SNX31: variants seen among roughly 807,000 people sequenced by gnomAD.
SNX31 encodes sorting nexin 31.
A neutral mutation model predicts 65.4 loss-of-function variants in SNX31; 58 were observed. The ratio of observed to expected loss-of-function variants is 0.89; its 90% CI spans 0.72 to 1.10. The LOEUF is 1.10. SNX31 is among the 50% of genes least tolerant of loss of function. The pLI is 0.00. For missense variants in SNX31, 523 were observed against 529.7 expected (o/e 0.99, Z 0.12); for synonymous variants, 181 against 190.1 (o/e 0.95, Z 0.39).
At chr8:100,642,290 C>A (rs1303548802) in intron 2 of SNX31, among the ~76,000 whole-genome samples, 2 of 152,170 alleles carry the variant, frequency 1.3e-5, no homozygotes, top group Admixed American at 1.3e-4. Flanking sequence ...GCAATTATTT[C>A]TTGGCTAACT....
At position 100,575,590 on chromosome 8, in the gene SNX31, A is replaced by G. The variant is rs1227141758; in HGVS notation, c.1227+1429T>C. Among the ~76,000 whole-genome samples the G allele has an allele frequency of 6.6e-6, 1 of 152,092 alleles. No individual in the cohort carries two copies. Among genetic ancestry groups the G allele is most frequent in the Non-Finnish European group, 1.5e-5 (1 of 67,994 alleles). ...AGGACAGTGGCTCTCAAACTTGAAC[A>G]TGCATCAGATTTGTCTGGTGGGCGT... On this transcript the variant is annotated intron_variant, in intron 13 of 13. Transcript: ENST00000311812. The surrounding 1 kb of genome is among the most constrained non-coding windows in gnomAD (Gnocchi z 5.1).
In SNX31 at chr8:100,584,093, A is replaced by C. The variant is rs374416008; in HGVS notation, c.1170+18T>G. 1.2e-5 allele frequency: 19 copies of C among 1,596,092 alleles called. No individual in the cohort carries two copies. In the African/African-American group the frequency reaches 1.5e-4, roughly 13 times the overall value. On this transcript the variant is annotated intron_variant, in intron 12 of 13. Transcript: ENST00000311812. ...TGGGAACGTAAAGTGAAAAATAGAC[A>C]CAGATAAGAGCACTCACCATTTCTG...
rs1433631703 is a variant in SNX31, at chr8:100,581,346, T to G, written c.1170+2765A>C. Among the ~76,000 whole-genome samples, 2 of 147,086 alleles carry G rather than the reference T, an allele frequency of 1.4e-5. 1 individual carries two copies. The highest frequency in any genetic ancestry group is 1.4e-4 in the Admixed American group (2 of 14,668). On this transcript the variant is annotated intron_variant, in intron 12 of 13. Transcript: ENST00000311812. ...ATATCTATCTATCTATCTATATATA[T>G]ATATATATATAATTTAAGAACTTAA...
At chr8:100,652,455 T>A (rs571622265), upstream of SNX31, among the ~76,000 whole-genome samples, 1 of 152,330 alleles carries the variant, frequency 6.6e-6, no homozygotes, top group South Asian at 2.1e-4. Context: ...GTGCTTCTTA[T>A]GAGCCAGGCG....
chr8:100,590,868 T>A (rs546498540), intron 10 of SNX31, among the ~76,000 whole-genome samples: 1 of 152,206 alleles, frequency 6.6e-6, no homozygotes, highest in East Asian at 1.9e-4. Context: ...CGCAGTACTG[T>A]TAACCCAGAG....
rs1356484021 is a variant in SNX31, at chr8:100,573,840, A to T, written c.*25T>A. 2.0e-6 allele frequency: 3 copies of T among 1,490,350 alleles called. No individual in the cohort carries two copies. Among genetic ancestry groups the T allele is most frequent in the South Asian group, 2.4e-5 (2 of 82,672 alleles). The allele number at this position is 1,490,350 out of a possible 1,614,324, so 92.3% of individuals were successfully genotyped here. ...CACTGTCTTGAGATAGCCTCCAAGG[A>T]TATTTTAAAATATGAGAGCTTTCTT... On this transcript the variant is annotated 3_prime_UTR_variant, in exon 14 of 14. Transcript: ENST00000311812.
intron 12 of SNX31, 107 bp from the exon 13 acceptor site, chr8:100,577,182 C>T: frequency 1.1e-6 from 1 of 951,290 alleles, no homozygotes; most frequent in East Asian, 2.5e-5. Flanking sequence ...TCTTAATCGT[C>T]CCAAAGGCTG....
At chr8:100,600,571 A>G (rs1220311954) in intron 8 of SNX31, 130 bp from the exon 9 acceptor site, 2 of 635,828 alleles carry the variant, frequency 3.1e-6, no homozygotes, top group Non-Finnish European at 5.2e-6. Context: ...TTAGCATATT[A>G]TAAGTCTTAT....
chr8:100,588,989 A>C lies in SNX31; in HGVS notation c.979-10T>G, dbSNP rs760919297. ...TATCCAGCAGAGTTCCCTACAAAGG[A>C]AAATATTTTATATTCAATGTAAATT... On this transcript the variant is annotated splice_polypyrimidine_tract_variant and intron_variant, in intron 10 of 13. Coordinates refer to ENST00000311812, the MANE Select transcript of SNX31 (RefSeq NM_152628.4). This position sits in a 1 kb window ranked among gnomAD's most constrained non-coding sequence, Gnocchi z 4.8. The C allele has an allele frequency of 5.6e-6, 9 of 1,596,656 alleles. No individual in the cohort carries two copies. Among genetic ancestry groups the C allele is most frequent in the Non-Finnish European group, 7.7e-6 (9 of 1,165,608 alleles).
intron 5 of SNX31, 105 bp downstream of exon 5, chr8:100,617,515 C>A: frequency 1.3e-6 from 1 of 758,354 alleles, no homozygotes; most frequent in Non-Finnish European, 2.2e-6. Flanking sequence ...CAGAGTAAAA[C>A]AACAGGCCAG....
rs74340703 is a variant in SNX31, at chr8:100,648,113, G to A, written c.141+1161C>T. 0.083 allele frequency among the ~76,000 whole-genome samples: 12,642 copies of A among 152,206 alleles called. 585 individuals are homozygous for A. The highest frequency in any genetic ancestry group is 0.095 in the Non-Finnish European group (6,492 of 68,022). On this transcript the variant is annotated intron_variant, in intron 2 of 13. Coordinates refer to ENST00000311812, the MANE Select transcript of SNX31 (RefSeq NM_152628.4). This position sits in a 1 kb window ranked among gnomAD's most constrained non-coding sequence, Gnocchi z 4.3. ...TGAAAATGGACTTTTCCAATGCACTGTGATGTATGAGCAAGAAGGCTTGCT... is the reference window on the plus strand; with the variant it reads ...TGAAAATGGACTTTTCCAATGCACTATGATGTATGAGCAAGAAGGCTTGCT...
intron 3 of SNX31, among the ~76,000 whole-genome samples, chr8:100,634,957 G>A (rs1818654738): frequency 7.0e-6 from 1 of 142,230 alleles, no homozygotes; most frequent in South Asian, 2.3e-4. Flanking sequence ...CAGCTTCTCA[G>A]GAAGCTGTGG....
chr8:100,592,529 T>TA (rs1412151120), intron 10 of SNX31, among the ~76,000 whole-genome samples: 1 of 152,122 alleles, frequency 6.6e-6, no homozygotes, highest in Non-Finnish European at 1.5e-5. Context: ...GCTGGGGATA[T>TA]AAAATGGTGC....
At chr8:100,649,229 A>G in intron 2 of SNX31, 45 bp downstream of exon 2, 1 of 1,594,198 alleles carries the variant, frequency 6.3e-7, no homozygotes, top group Non-Finnish European at 8.6e-7. Flanking sequence ...AGCTTTCTCC[A>G]CCTGTCTCAG....
intron 5 of SNX31, among the ~76,000 whole-genome samples, chr8:100,617,208 C>T (rs1298573914): frequency 6.6e-6 from 1 of 152,166 alleles, no homozygotes; most frequent in African/African-American, 2.4e-5. Context: ...GAATAGGAAC[C>T]TTCAAGAACT....
chr8:100,581,329 C>CTATATATATATATATATA (rs1491502174), intron 12 of SNX31, among the ~76,000 whole-genome samples: 2 of 80,166 alleles, frequency 2.5e-5, no homozygotes, highest in Admixed American at 1.1e-4. Context: ...CTATATCTAT[C>CTATATATATATATATATA]TATCTATCTA....
In SNX31 at chr8:100,578,434, A is replaced by G. The variant is rs1196215275; in HGVS notation, c.1171-1359T>C. Among the ~76,000 whole-genome samples the G allele has an allele frequency of 6.6e-6, 1 of 152,196 alleles. No homozygotes were observed. The highest frequency in any genetic ancestry group is 1.9e-4 in the East Asian group (1 of 5,202). On this transcript the variant is annotated intron_variant, in intron 12 of 13. Transcript: ENST00000311812. This position sits in a 1 kb window ranked among gnomAD's most constrained non-coding sequence, Gnocchi z 4.7. ...CAGGTTTAGCCATCACATGGTACAC[A>G]CAGGCATTCATAAATGACAGAATAA...
At chr8:100,586,076 A>G (rs1263674477) in intron 11 of SNX31, among the ~76,000 whole-genome samples, 1 of 152,130 alleles carries the variant, frequency 6.6e-6, no homozygotes, top group Non-Finnish European at 1.5e-5. Context: ...GCCTGCCACC[A>G]TGCCCAGATG....
rs1232371170 is a variant in SNX31, at chr8:100,649,639, G to T, written c.-125C>A. ...CACGCGACTCAGAGCGAACCCCGGC[G>T]CCCGCTCTCGCCGGCCGGGGACATC... On this transcript the variant is annotated 5_prime_UTR_variant, in exon 1 of 14. Transcript: ENST00000311812. The T allele has an allele frequency of 2.2e-6, 2 of 895,360 alleles. No homozygotes were observed. The highest frequency in any genetic ancestry group is 5.9e-5 in the East Asian group (2 of 33,836). The allele number at this position is 895,360 out of a possible 1,614,324, so 55.5% of individuals were successfully genotyped here.
Sources: gnomAD v4.1 joint callset for allele counts (sites outside exome capture counted in the v4.1 genomes callset) on GRCh38, gnomAD v4.1.1 for gene constraint, Gnocchi (gnomAD v3.1) non-coding constraint, MANE v1.5 for transcripts, NCBI Gene and HGNC (gene_info 2026-07-23, HGNC 2026-07-21) for gene names.